AFF1: variants seen among roughly 807,000 people sequenced by gnomAD.
AFF1 encodes AF4/FMR2 family member 1.
AFF1 carries 48 observed loss-of-function variants against 121.7 expected under a neutral mutation model. That is an observed-to-expected ratio of 0.39 (90% CI 0.31 to 0.50). AFF1 has a LOEUF of 0.50. AFF1 is among the 20% of genes least tolerant of loss of function. The pLI is 0.76. For missense variants in AFF1, 1,523 were observed against 1,511.7 expected, an observed-to-expected ratio of 1.01 and a Z score of -0.12; for synonymous variants, 613 against 563.0, an observed-to-expected ratio of 1.09 and a Z score of -1.26.
At chr4:87,031,139 C>T (rs1326111110) in intron 2 of AFF1, among the ~76,000 whole-genome samples, 4 of 152,132 alleles carry the variant, frequency 2.6e-5, no homozygotes, top group African/African-American at 7.2e-5. Context: ...GGCTGCAAGA[C>T]GTTATCGTCC....
At chr4:87,065,592 G>C (rs1721272636) in intron 4 of AFF1, among the ~76,000 whole-genome samples, 1 of 152,030 alleles carries the variant, frequency 6.6e-6, no homozygotes, top group Admixed American at 6.6e-5. Context: ...CGCTATCAAA[G>C]TAGTATAGAA....
At chr4:87,049,684 C>G (rs751349214) in intron 4 of AFF1, 2 of 456,126 alleles carry the variant, frequency 4.4e-6, no homozygotes, top group East Asian at 6.9e-5. Context: ...CGGTGGTTCC[C>G]TCTGGTCTCG....
At chr4:87,012,235 T>TTTG (rs56129880) in intron 2 of AFF1, among the ~76,000 whole-genome samples, 6 of 111,838 alleles carry the variant, frequency 5.4e-5, no homozygotes, top group Non-Finnish European at 1.1e-4. Flanking sequence ...TTTTTTTTTT[T>TTTG]GTATAACTAT....
intron 2 of AFF1, among the ~76,000 whole-genome samples, chr4:87,015,068 G>A (rs1025397920): frequency 2.6e-5 from 4 of 152,168 alleles, no homozygotes; most frequent in Non-Finnish European, 4.4e-5. Flanking sequence ...AAAACAGAAC[G>A]TGTTATTGAG....
chr4:86,980,762 T>C (rs1365389140), intron 2 of AFF1, among the ~76,000 whole-genome samples: 1 of 152,208 alleles, frequency 6.6e-6, no homozygotes, highest in African/African-American at 2.4e-5. Context: ...GAGAGAACGA[T>C]AGAAGCTAGA....
chr4:87,018,044 G>T (rs184862865), intron 2 of AFF1, among the ~76,000 whole-genome samples: 2 of 152,228 alleles, frequency 1.3e-5, no homozygotes, highest in Admixed American at 6.5e-5. Context: ...ATGCATTGTG[G>T]CAAGTTACTG....
chr4:86,959,400 G>C (rs1000946028), intron 2 of AFF1, among the ~76,000 whole-genome samples: 1 of 151,176 alleles, frequency 6.6e-6, no homozygotes, highest in Non-Finnish European at 1.5e-5. Flanking sequence ...ATTGTGTTGG[G>C]TCCCTTCCTC....
chr4:86,975,954 T>TA (rs1439046400), intron 2 of AFF1, among the ~76,000 whole-genome samples: 2 of 152,260 alleles, frequency 1.3e-5, no homozygotes, highest in African/African-American at 4.8e-5. Context: ...GGTGACATTT[T>TA]AAAAAAGACA....
intron 2 of AFF1, among the ~76,000 whole-genome samples, chr4:87,040,311 T>C (rs1294962764): frequency 6.6e-6 from 1 of 152,072 alleles, no homozygotes; most frequent in Non-Finnish European, 1.5e-5. Flanking sequence ...TAACCAAACA[T>C]CAATTTTGTG....
chr4:86,995,669 C>T (rs534959953), intron 2 of AFF1, among the ~76,000 whole-genome samples: 6 of 151,176 alleles, frequency 4.0e-5, no homozygotes, highest in African/African-American at 1.4e-4. Context: ...CTACAACCTC[C>T]ACCTCCCAGC....
At chr4:87,059,467 T>C (rs1173021368) in intron 4 of AFF1, among the ~76,000 whole-genome samples, 1 of 152,228 alleles carries the variant, frequency 6.6e-6, no homozygotes, top group East Asian at 1.9e-4. Flanking sequence ...TCATTTAGTA[T>C]GGATTTTTAC....
intron 2 of AFF1, among the ~76,000 whole-genome samples, chr4:86,976,552 G>A (rs758415608): frequency 3.9e-5 from 6 of 152,016 alleles, no homozygotes; most frequent in Non-Finnish European, 7.4e-5. Flanking sequence ...TCTCACAAGC[G>A]GAAGCTAAAT....
At chr4:87,068,395 AG>A (rs1378315283) in intron 4 of AFF1, among the ~76,000 whole-genome samples, 1 of 152,198 alleles carries the variant, frequency 6.6e-6, no homozygotes, top group Non-Finnish European at 1.5e-5. Context: ...ACTGCCTATT[AG>A]GCAGGTTTTA....
At chr4:87,120,312 T>C (rs1195854020) in intron 12 of AFF1, among the ~76,000 whole-genome samples, 1 of 152,238 alleles carries the variant, frequency 6.6e-6, no homozygotes, top group East Asian at 1.9e-4. Context: ...AGTCCCTGAA[T>C]TTCCCCAAAG....
At chr4:86,981,430 TG>T in intron 2 of AFF1, among the ~76,000 whole-genome samples, 2 of 152,132 alleles carry the variant, frequency 1.3e-5, no homozygotes, top group East Asian at 3.9e-4. Flanking sequence ...TGCAGTGGTG[TG>T]ATCGCGGCTC....
intron 2 of AFF1, among the ~76,000 whole-genome samples, chr4:86,981,214 A>G (rs1723730306): frequency 6.6e-6 from 1 of 151,922 alleles, no homozygotes; most frequent in Non-Finnish European, 1.5e-5. Context: ...GGGCTTCACC[A>G]TGTTAGCCAG....
chr4:87,039,174 A>G (rs564548374), intron 2 of AFF1, among the ~76,000 whole-genome samples: 9 of 152,328 alleles, frequency 5.9e-5, no homozygotes, highest in African/African-American at 2.2e-4. Context: ...CCTCATCCAC[A>G]TATGCTATTT....
intron 2 of AFF1, among the ~76,000 whole-genome samples, chr4:86,995,484 G>C (rs1042596418): frequency 6.6e-6 from 1 of 151,762 alleles, no homozygotes; most frequent in Non-Finnish European, 1.5e-5. Flanking sequence ...ACTGGTTTTC[G>C]TATTTTTTTG....
chr4:87,113,341 A>G (rs1269933714), intron 11 of AFF1, among the ~76,000 whole-genome samples: 1 of 151,920 alleles, frequency 6.6e-6, no homozygotes, highest in Non-Finnish European at 1.5e-5. Flanking sequence ...TGGAGTGCAC[A>G]TGGCTCACCG....
Sources: allele counts gnomAD v4.1 joint callset (sites outside exome capture counted in the v4.1 genomes callset), GRCh38; gene constraint gnomAD v4.1.1; transcripts MANE v1.5; gene names NCBI Gene and HGNC (gene_info 2026-07-23, HGNC 2026-07-21).